DNAAF2: variants seen among roughly 807,000 people sequenced by gnomAD.
The protein encoded by DNAAF2 is protein kintoun.
Under a neutral mutation model 48.8 loss-of-function variants are expected in DNAAF2, and 58 were observed. That is an observed-to-expected ratio of 1.19 (90% CI 0.96 to 1.48). The LOEUF is 1.48. Ranked by LOEUF, DNAAF2 falls within the 40% of genes most tolerant of loss-of-function variation. DNAAF2 has a pLI of 0.00. For synonymous variants in DNAAF2, 567 were observed against 481.2 expected (o/e 1.18, Z -2.33); for missense variants, 1,241 against 1,116.1 (o/e 1.11, Z -1.59).
At chr14:49,632,426 A>C (rs1052596362) in intron 1 of DNAAF2, among the ~76,000 whole-genome samples, 4 of 149,414 alleles carry the variant, frequency 2.7e-5, no homozygotes, top group Non-Finnish European at 5.9e-5. Context: ...GTTAAAGCCC[A>C]AAGTCTAATA....
Position 49,634,184 on chromosome 14 carries a change from G to C in DNAAF2, c.966C>G (p.Leu322=). The change falls in exon 1 of 3, where the codon CTC becomes CTG. Residue 322 remains leucine (L), a synonymous_variant. Transcript: ENST00000298292. ...RKPDYRLRLS[L]PYPVDDGRGK... is the part of the protein sequence containing the mutation. Reference sequence around the variant, plus strand: ...CGCGGCCATCGTCCACTGGGTACGGGAGCGAGAGCCGCAGCCGGTAGTCAG... The same window carrying C: ...CGCGGCCATCGTCCACTGGGTACGGCAGCGAGAGCCGCAGCCGGTAGTCAG... The C allele has an allele frequency of 6.2e-7, 1 of 1,610,132 alleles. No homozygotes were observed. The highest frequency in any genetic ancestry group is 8.5e-7 in the Non-Finnish European group (1 of 1,178,914).
intron 1 of DNAAF2, among the ~76,000 whole-genome samples, chr14:49,628,895 G>A (rs1386534574): frequency 6.6e-6 from 1 of 152,158 alleles, no homozygotes; most frequent in Non-Finnish European, 1.5e-5. Flanking sequence ...AATTTTGTGT[G>A]ACCTTTTAGT....
chr14:49,634,906 G>A lies in DNAAF2; in HGVS notation c.244C>T (p.Leu82=), dbSNP rs1024818468. ...ACAAAGCAGCGCCGCGCCCCGTCCA[G>A]GCTGGTGCGCAGCACATGGCCGGGC... is the stretch of plus-strand genomic sequence containing the variant. The part of the protein sequence containing the change: ...PEPGHVLRTS[L]DGARRCFVNV... Residue 82 remains leucine, a synonymous_variant, in exon 1 of 3, where the codon CTG becomes TTG. Transcript: ENST00000298292. 2 of 1,551,548 alleles carry A rather than the reference G, an allele frequency of 1.3e-6. No individual in the cohort carries two copies. The highest frequency in any genetic ancestry group is 3.9e-5 in the Admixed American group (2 of 51,168).
rs773126203 is a variant in DNAAF2 at position 49,634,265 on chromosome 14, G to C, written c.885C>G (p.Ala295=). Residue 295 remains alanine (A), a synonymous_variant, in exon 1 of 3, where the codon GCC becomes GCG. Coordinates refer to ENST00000298292, the MANE Select transcript of DNAAF2 (RefSeq NM_018139.3). ...TCGTTACCTCCAGCGCCGCCTGCTC[G>C]GCCGAGCGCAACAGCGGCAGTTCGA... The part of the protein sequence containing the change: ...ITIELPLLRS[A]EQAALEVTRK... 8.1e-6 allele frequency: 13 copies of C among 1,612,306 alleles called. No homozygotes were observed. The South Asian group carries it at 1.4e-4, about 18-fold the overall frequency.
At position 49,635,090 on chromosome 14, in the gene DNAAF2, G is replaced by T; in HGVS notation, c.60C>A (p.Val20=). 1 of 1,582,532 alleles carries T rather than the reference G, an allele frequency of 6.3e-7. No individual in the cohort carries two copies. The highest frequency in any genetic ancestry group is 2.3e-5 in the East Asian group (1 of 43,000). The part of the protein sequence containing the change: ...LEDLDLSGEE[V]QRLTSAFQDP... ...CCTGGAAGGCGGAGGTGAGCCGCTG[G>T]ACCTCCTCTCCGCTCAGGTCCAAGT... Residue 20 remains valine, a synonymous_variant, in exon 1 of 3, where the codon GTC becomes GTA. Coordinates refer to ENST00000298292, the MANE Select transcript of DNAAF2 (RefSeq NM_018139.3).
chr14:49,633,722 C>A lies in DNAAF2; in HGVS notation c.1428G>T (p.Ala476=), dbSNP rs1203221575. Residue 476 remains alanine, a synonymous_variant, in exon 1 of 3, where the codon GCG becomes GCT. Transcript: ENST00000298292. The stretch of plus-strand genomic sequence containing the variant: ...TCTCTCTTCCCGCAGAAGAACCCCA[C>A]GCCAGGCTCCGGGAGGACAAACAAG... ...GSPCLSSRSL[A]WGSSAGRESA... is the part of the protein sequence containing the mutation. 4 of 1,596,168 alleles carry A rather than the reference C, an allele frequency of 2.5e-6. No homozygotes were observed. Among genetic ancestry groups the A allele is most frequent in the Non-Finnish European group, 1.7e-6 (2 of 1,170,362 alleles).
At chr14:49,632,279 G>C (rs569057462) in intron 1 of DNAAF2, among the ~76,000 whole-genome samples, 1 of 152,026 alleles carries the variant, frequency 6.6e-6, no homozygotes, top group African/African-American at 2.4e-5. Flanking sequence ...ACCTTAGCTA[G>C]CCCAGCTATT....
In DNAAF2 at chr14:49,625,921, A is replaced by G; in HGVS notation, c.2135T>C (p.Ile712Thr). 1.2e-6 allele frequency: 2 copies of G among 1,613,602 alleles called. No individual in the cohort carries two copies. The highest frequency in any genetic ancestry group is 1.7e-6 in the Non-Finnish European group (2 of 1,179,766). ...ATCTATTTGTAGTGCTTTAACTGCT[A>G]TAGATGAATCAGAATCAGTTGTAGG... The part of the protein sequence containing the change: ...NTPTTDSDSS[I>T]AVKALQIDSF... Residue 712 changes from isoleucine to threonine, a missense_variant, in exon 3 of 3, where the codon ATA becomes ACA. Physicochemically the swap from Ile to Thr is moderately conservative, Grantham distance 89. Transcript: ENST00000298292.
In DNAAF2 at chr14:49,634,652, G is replaced by A. The variant is rs2985685; in HGVS notation, c.498C>T (p.Ala166=). The A allele has an allele frequency of 0.71, 1,146,185 of 1,606,680 alleles. 422,825 individuals are homozygous for A. The highest frequency in any genetic ancestry group is 0.77 in the Non-Finnish European group (903,741 of 1,179,648). Residue 166 remains alanine (A), a synonymous_variant, in exon 1 of 3, where the codon GCC becomes GCT. Transcript: ENST00000298292. The part of the protein sequence containing the change: ...RHEGFRQMLD[A]TALEAVEKQF... ...GCTTCTCGACGGCCTCCAGGGCCGT[G>A]GCGTCCAGCATCTGGCGGAAGCCCT...
Position 49,633,898 on chromosome 14 carries a change from G to A in DNAAF2, c.1252C>T (p.Pro418Ser). Residue 418 changes from proline (P) to serine (S), a missense_variant, in exon 1 of 3, where the codon CCG becomes TCG. Coordinates refer to ENST00000298292, the MANE Select transcript of DNAAF2 (RefSeq NM_018139.3). ...GCGGCCGGCGGAGGCGCCACCTCCG[G>A]GTCGCCCAGGGTGGTGACCCCGGAG... Reference protein sequence around the residue: ...AGSGVTTLGDPEVAPPPAAAG... With the variant: ...AGSGVTTLGDSEVAPPPAAAG... 6.5e-7 allele frequency: 1 copy of A among 1,533,922 alleles called. No homozygotes were observed. The highest frequency in any genetic ancestry group is 8.7e-7 in the Non-Finnish European group (1 of 1,146,384).
intron 2 of DNAAF2, 127 bp downstream of exon 2, chr14:49,627,885 C>G (rs1221192847): frequency 1.0e-6 from 1 of 970,308 alleles, no homozygotes; most frequent in Non-Finnish European, 1.4e-6. Flanking sequence ...CTTTTCTTCT[C>G]TTAACATCAC....
At chr14:49,626,150 G>T in intron 2 of DNAAF2, 102 bp from the exon 3 acceptor site, 1 of 957,438 alleles carries the variant, frequency 1.0e-6, no homozygotes, top group Non-Finnish European at 1.4e-6. Flanking sequence ...TGAGGTAATA[G>T]CCCTTACAGA....
intron 1 of DNAAF2, chr14:49,629,635 G>A (rs549004840): frequency 6.6e-6 from 1 of 151,940 alleles, no homozygotes; most frequent in African/African-American, 2.4e-5. Context: ...AGTGAGTCCA[G>A]CCTGGGCGAC....
intron 1 of DNAAF2, among the ~76,000 whole-genome samples, chr14:49,632,634 C>T (rs1399243965): frequency 6.6e-6 from 1 of 151,804 alleles, no homozygotes; most frequent in African/African-American, 2.4e-5. Flanking sequence ...TTAATAGTGA[C>T]GGGGTTTCGC....
intron 1 of DNAAF2, among the ~76,000 whole-genome samples, chr14:49,630,752 CACA>C (rs1566510131): frequency 6.7e-6 from 1 of 149,066 alleles, no homozygotes; most frequent in African/African-American, 2.5e-5. Flanking sequence ...CACACACACA[CACA>C]CTTTTTTTTT....
Position 49,634,036 on chromosome 14 carries a change from G to A in DNAAF2, c.1114C>T (p.Arg372Trp), listed in dbSNP as rs758481481. The change falls in exon 1 of 3, where the codon CGG becomes TGG. Residue 372 changes from arginine (R) to tryptophan (W), a missense_variant. Arg to Trp is a moderately radical substitution (Grantham distance 101, BLOSUM62 -3). Coordinates refer to ENST00000298292, the MANE Select transcript of DNAAF2 (RefSeq NM_018139.3). ...AAAAPEESAD[R>W]SGTDGQACAS... ...CAGGCCTGGCCGTCAGTTCCGGACC[G>A]GTCCGCGGACTCTTCCGGCGCGGCG... 1.3e-6 allele frequency: 2 copies of A among 1,519,952 alleles called. No individual in the cohort carries two copies. The highest frequency in any genetic ancestry group is 1.8e-6 in the Non-Finnish European group (2 of 1,138,924). 94.2% of individuals were successfully genotyped at this position (1,519,952 alleles called of 1,614,324 possible). A position where few individuals can be genotyped will look rare whatever the true frequency, so the allele number is the denominator to read the frequency against.
chr14:49,626,838 C>T (rs1490268388), intron 2 of DNAAF2, among the ~76,000 whole-genome samples: 1 of 112,144 alleles, frequency 8.9e-6, no homozygotes, highest in Admixed American at 1.2e-4. Context: ...TTGAGTCTGG[C>T]TCTGTCGCCC....
Position 49,634,302 on chromosome 14 carries a change from A to G in DNAAF2, c.848T>C (p.Leu283Pro), listed in dbSNP as rs1350765740. ...DSAPSPVPHE[L>P]VITIELPLLR... ...CAGCGGCAGTTCGATGGTGATCACC[A>G]GCTCATGGGGCACGGGGCTCGGGGC... The change falls in exon 1 of 3, where the codon CTG becomes CCG. Residue 283 changes from leucine to proline, a missense_variant. Coordinates refer to ENST00000298292, the MANE Select transcript of DNAAF2 (RefSeq NM_018139.3). 1.9e-6 allele frequency: 3 copies of G among 1,612,036 alleles called. No individual in the cohort carries two copies. The highest frequency in any genetic ancestry group is 2.5e-6 in the Non-Finnish European group (3 of 1,179,748).
At chr14:49,626,443 A>G (rs942117334) in intron 2 of DNAAF2, among the ~76,000 whole-genome samples, 4 of 152,168 alleles carry the variant, frequency 2.6e-5, no homozygotes, top group African/African-American at 9.7e-5. Flanking sequence ...GGGCCGAGAT[A>G]GTGCCACTGT....
Sources: gnomAD v4.1 joint callset for allele counts (sites outside exome capture counted in the v4.1 genomes callset) on GRCh38, gnomAD v4.1.1 for gene constraint, MANE v1.5 for transcripts, NCBI Gene and HGNC (gene_info 2026-07-23, HGNC 2026-07-21) for gene names.